The following CELF2 variants were observed in gnomAD, a reference collection of about 807,000 sequenced individuals.
CELF2 encodes CUG triplet repeat RNA-binding protein 2.
A neutral mutation model predicts 62.6 loss-of-function variants in CELF2; 8 were observed. The ratio of observed to expected loss-of-function variants is 0.13; its 90% CI spans 0.07 to 0.23. The LOEUF is 0.23. Among genes scored for constraint, CELF2 ranks in the 10% least tolerant of loss-of-function variants. The pLI, the probability that CELF2 is intolerant of heterozygous loss-of-function variation, is 1.00. For missense variants in CELF2, 333 were observed against 671.0 expected, an observed-to-expected ratio of 0.50 and a Z score of 5.56; for synonymous variants, 258 against 250.0, an observed-to-expected ratio of 1.03 and a Z score of -0.30.
the CELF2 span, among the ~76,000 whole-genome samples, chr10:10,516,001 G>A: frequency 1.3e-5 from 2 of 152,154 alleles, no homozygotes; most frequent in African/African-American, 2.4e-5. Context: ...AACCAGCTCG[G>A]GTGAGACTAT....
At chr10:10,555,129 G>GT in the CELF2 span, among the ~76,000 whole-genome samples, 8 of 152,082 alleles carry the variant, frequency 5.3e-5, no homozygotes, top group African/African-American at 4.8e-5. Flanking sequence ...TGACACCGTG[G>GT]TTTTTTTACA....
chr10:11,075,404 A>G lies in CELF2; in HGVS notation c.74+57241A>G, dbSNP rs1346799623. The G allele has an allele frequency of 6.6e-6, 1 of 152,238 alleles. No homozygotes were observed. The highest frequency in any genetic ancestry group is 2.4e-5 in the African/African-American group (1 of 41,464). 9.4% of individuals were successfully genotyped at this position (152,238 alleles called of 1,614,324 possible). ...TAAAAAGATTATATTCTATTTTACA[A>G]CCTTACTTATTCAGTAACGTATGGA... On this transcript the variant is annotated intron_variant, in intron 1 of 12. Coordinates refer to ENST00000633077, the MANE Select transcript of CELF2 (RefSeq NM_001326342.2). The surrounding 1 kb of genome is among the most constrained non-coding windows in gnomAD (Gnocchi z 5.4).
At chr10:11,264,601 G>A (rs1416499797) in intron 5 of CELF2, among the ~76,000 whole-genome samples, 1 of 152,206 alleles carries the variant, frequency 6.6e-6, no homozygotes, top group Non-Finnish European at 1.5e-5. Context: ...AATAATGCCA[G>A]GGATGATGAA....
intron 2 of CELF2, among the ~76,000 whole-genome samples, chr10:10,973,409 A>G (rs1013564847): frequency 7.9e-5 from 12 of 152,304 alleles, no homozygotes; most frequent in Non-Finnish European, 1.3e-4. Flanking sequence ...CACTAAGTGT[A>G]AGAGCTTTGT....
At chr10:11,014,404 A>G (rs555807103), upstream of CELF2, among the ~76,000 whole-genome samples, 45 of 152,352 alleles carry the variant, frequency 3.0e-4, 1 homozygote, top group African/African-American at 9.4e-4. Flanking sequence ...CACGAGCAGA[A>G]AATTAACTGT....
At chr10:10,974,216 G>C (rs2051081963) in intron 2 of CELF2, among the ~76,000 whole-genome samples, 1 of 152,192 alleles carries the variant, frequency 6.6e-6, no homozygotes, top group African/African-American at 2.4e-5. Context: ...TCAATAAATG[G>C]TGGTTAATAT....
intron 2 of CELF2, among the ~76,000 whole-genome samples, chr10:11,170,308 G>A (rs1019660709): frequency 3.9e-5 from 6 of 152,146 alleles, no homozygotes; most frequent in South Asian, 2.1e-4. Context: ...TCGTACAAGC[G>A]CCTGCCCTCA....
In CELF2 at chr10:10,843,801, A is replaced by G. The variant is rs370323587; in HGVS notation, c.53+44984A>G. 1.1e-4 allele frequency among the ~76,000 whole-genome samples: 16 copies of G among 152,110 alleles called. No individual in the cohort carries two copies. The East Asian group carries it at 1.2e-3, about 11-fold the overall frequency. The stretch of plus-strand genomic sequence containing the variant: ...ACTTTTGAAACAAAATCGCCCCCCA[A>G]CACTGAATAGGTTCTGAATCTGTCC... On this transcript the variant is annotated intron_variant, in intron 1 of 13. Transcript: ENST00000636488.
the CELF2 span, among the ~76,000 whole-genome samples, chr10:10,651,988 A>G: frequency 4.0e-4 from 60 of 151,444 alleles, no homozygotes; most frequent in Non-Finnish European, 5.9e-4. Context: ...AATTTAGGAG[A>G]ATGTATAACT....
upstream of CELF2, among the ~76,000 whole-genome samples, chr10:10,795,416 T>C (rs915351562): frequency 9.2e-5 from 14 of 152,104 alleles, no homozygotes; most frequent in African/African-American, 3.1e-4. Flanking sequence ...GGAAAACTAA[T>C]TTGGGGCTGA....
intron 5 of CELF2, 135 bp downstream of exon 5, chr10:11,258,007 C>G: frequency 2.0e-6 from 2 of 1,002,224 alleles, no homozygotes; most frequent in Non-Finnish European, 2.9e-6. Context: ...GTTATCCAAC[C>G]TGAACTTTTC....
At chr10:10,764,572 G>A in the CELF2 span, among the ~76,000 whole-genome samples, 34 of 152,310 alleles carry the variant, frequency 2.2e-4, 1 homozygote, top group East Asian at 6.4e-3. Flanking sequence ...CACTGTGTCT[G>A]GAAGAGTAAG....
At chr10:11,193,172 A>G (rs979108165) in intron 2 of CELF2, among the ~76,000 whole-genome samples, 2 of 152,164 alleles carry the variant, frequency 1.3e-5, no homozygotes, top group African/African-American at 2.4e-5. Flanking sequence ...GAATGTCATC[A>G]TAGTCCTTCC....
rs2064797939 is a variant in CELF2, at chr10:11,157,621, G to A, written c.75-7865G>A. On this transcript the variant is annotated intron_variant, in intron 1 of 12. Coordinates refer to ENST00000633077, the MANE Select transcript of CELF2 (RefSeq NM_001326342.2). The surrounding 1 kb of genome is among the most constrained non-coding windows in gnomAD (Gnocchi z 4.9). ...CCATGAGCAGCAGAAGGACATAAAT[G>A]ACCTATTTTTCAGCTCTCTCACCTT... 6.6e-6 allele frequency among the ~76,000 whole-genome samples: 1 copy of A among 152,144 alleles called. No homozygotes were observed. Among genetic ancestry groups the A allele is most frequent in the African/African-American group, 2.4e-5 (1 of 41,424 alleles).
At chr10:10,860,504 GA>G (rs891324509) in intron 1 of CELF2, among the ~76,000 whole-genome samples, 1 of 152,112 alleles carries the variant, frequency 6.6e-6, no homozygotes, top group Non-Finnish European at 1.5e-5. Context: ...AAAAGTATAA[GA>G]GAAAAAAGTC....
chr10:10,795,400 C>T (rs776296955), upstream of CELF2, among the ~76,000 whole-genome samples: 3 of 152,084 alleles, frequency 2.0e-5, no homozygotes, highest in Non-Finnish European at 4.4e-5. Context: ...TATAGAGTGA[C>T]ATGACGGAAA....
chr10:10,777,405 G>T, the CELF2 span, among the ~76,000 whole-genome samples: 2 of 152,186 alleles, frequency 1.3e-5, no homozygotes, highest in African/African-American at 2.4e-5. Context: ...TGTCTTGAAT[G>T]ATGCAATCAC....
upstream of CELF2, among the ~76,000 whole-genome samples, chr10:11,004,672 C>G (rs1490519050): frequency 6.6e-6 from 1 of 152,062 alleles, no homozygotes; most frequent in Non-Finnish European, 1.5e-5. This position sits in a 1 kb window ranked among gnomAD's most constrained non-coding sequence, Gnocchi z 5.0. Flanking sequence ...CTTTAGATAC[C>G]CTCCTCCAGG....
the CELF2 span, among the ~76,000 whole-genome samples, chr10:10,701,271 C>G: frequency 3.9e-5 from 6 of 152,178 alleles, no homozygotes; most frequent in African/African-American, 1.4e-4. Flanking sequence ...ACAAACAAAA[C>G]CCAAACACAG....
Sources: allele counts gnomAD v4.1 joint callset (sites outside exome capture counted in the v4.1 genomes callset), GRCh38; gene constraint gnomAD v4.1.1; non-coding constraint Gnocchi (gnomAD v3.1); transcripts MANE v1.5; gene names NCBI Gene and HGNC (gene_info 2026-07-23, HGNC 2026-07-21).